ANTXR1: variants seen among roughly 807,000 people sequenced by gnomAD.
ANTXR1 encodes anthrax toxin receptor 1.
Under a neutral mutation model 78.1 loss-of-function variants are expected in ANTXR1, and 19 were observed. The observed-to-expected ratio is 0.24, with a 90% CI of 0.17 to 0.36. ANTXR1 has a LOEUF of 0.36. Ranked by LOEUF, ANTXR1 falls within the 10% of genes least tolerant of loss-of-function variation. ANTXR1 has a pLI of 1.00. For missense variants in ANTXR1, 518 were observed against 718.6 expected (o/e 0.72, Z 3.19); for synonymous variants, 273 against 260.5 (o/e 1.05, Z -0.46).
chr2:69,237,652 C>A (rs561219627), intron 17 of ANTXR1, among the ~76,000 whole-genome samples: 1 of 152,282 alleles, frequency 6.6e-6, no homozygotes. Flanking sequence ...AACTCCTGGG[C>A]TAAAGTGATC....
At chr2:69,016,473 TACATGTGTCTA>T (rs1671029171) in intron 1 of ANTXR1, among the ~76,000 whole-genome samples, 1 of 151,830 alleles carries the variant, frequency 6.6e-6, no homozygotes, top group African/African-American at 2.4e-5. Flanking sequence ...AGCTGAGGAT[TACATGTGTCTA>T]ACAGCAGTGG....
chr2:69,025,854 A>G (rs988277845), intron 1 of ANTXR1, among the ~76,000 whole-genome samples: 3 of 152,196 alleles, frequency 2.0e-5, no homozygotes, highest in Admixed American at 6.5e-5. Context: ...TTTACTCTCA[A>G]AAGTTTCTCA....
intron 1 of ANTXR1, among the ~76,000 whole-genome samples, chr2:69,023,014 T>G (rs1671239077): frequency 6.6e-6 from 1 of 152,198 alleles, no homozygotes; most frequent in South Asian, 2.1e-4. Context: ...TCTCCCTACA[T>G]GAAATGTGCC....
intron 12 of ANTXR1, among the ~76,000 whole-genome samples, chr2:69,147,509 T>C (rs957753578): frequency 6.6e-6 from 1 of 152,214 alleles, no homozygotes; most frequent in African/African-American, 2.4e-5. Context: ...TATGTGCACA[T>C]CCACACTGGG....
chr2:69,172,401 A>G (rs993744355), intron 14 of ANTXR1: 1 of 1,610,340 alleles, frequency 6.2e-7, no homozygotes, highest in Non-Finnish European at 8.5e-7. Context: ...GAAGAAAGAA[A>G]GAAATCCCAC....
At chr2:69,134,272 C>T (rs112304966) in intron 12 of ANTXR1, among the ~76,000 whole-genome samples, 2 of 152,238 alleles carry the variant, frequency 1.3e-5, no homozygotes, top group African/African-American at 4.8e-5. Flanking sequence ...GCTCTTTAGC[C>T]TGGGGCATAC....
At chr2:69,124,984 C>T (rs1055629200) in intron 12 of ANTXR1, among the ~76,000 whole-genome samples, 18 of 151,918 alleles carry the variant, frequency 1.2e-4, no homozygotes, top group Non-Finnish European at 1.8e-4. Context: ...AGAGAATGGA[C>T]GGAAGGGAAT....
At chr2:69,129,622 G>A (rs895868676) in intron 12 of ANTXR1, among the ~76,000 whole-genome samples, 6 of 151,962 alleles carry the variant, frequency 3.9e-5, no homozygotes, top group African/African-American at 1.2e-4. Context: ...GTGGTGGCGT[G>A]CACCTGTAAT....
Position 69,246,732 on chromosome 2 carries a change from G to T in ANTXR1, c.*1247G>T, listed in dbSNP as rs1046228820. 9 of 152,134 alleles carry T rather than the reference G, an allele frequency of 5.9e-5. No individual in the cohort carries two copies. The highest frequency in any genetic ancestry group is 2.2e-4 in the African/African-American group (9 of 41,420). The allele number at this position is 152,134 out of a possible 1,614,324, so 9.4% of individuals were successfully genotyped here. ...CCTAGGACTCACCCCATTTATCCAGGTCTTTCTGGATCTGTTTAATCAATA... is the reference window on the plus strand; with the variant it reads ...CCTAGGACTCACCCCATTTATCCAGTTCTTTCTGGATCTGTTTAATCAATA... On this transcript the variant is annotated 3_prime_UTR_variant, in exon 18 of 18. Coordinates refer to ENST00000303714, the MANE Select transcript of ANTXR1 (RefSeq NM_032208.3).
chr2:69,013,461 TG>T lies in ANTXR1; in HGVS notation c.-36del. Reference sequence around the variant, plus strand: ...AGGGTCGTGGCGAGTTCGCGGAGCGTGGGAAGGAGCGGACCCTGCTCTCCCC... The same window carrying T: ...AGGGTCGTGGCGAGTTCGCGGAGCGTGGAAGGAGCGGACCCTGCTCTCCCC... On this transcript the variant is annotated 5_prime_UTR_variant, in exon 1 of 18. Coordinates refer to ENST00000303714, the MANE Select transcript of ANTXR1 (RefSeq NM_032208.3). The surrounding 1 kb of genome is among the most constrained non-coding windows in gnomAD (Gnocchi z 5.0). 6.3e-7 allele frequency: 1 copy of T among 1,579,708 alleles called. No homozygotes were observed.
chr2:69,103,156 G>A, intron 10 of ANTXR1: 2 of 595,222 alleles, frequency 3.4e-6, no homozygotes, highest in Non-Finnish European at 3.1e-6. Context: ...TGTCCAGCTT[G>A]GTAAGCAGAG....
At chr2:69,217,937 G>C (rs1379146250) in intron 17 of ANTXR1, among the ~76,000 whole-genome samples, 2 of 152,202 alleles carry the variant, frequency 1.3e-5, no homozygotes, top group Non-Finnish European at 2.9e-5. Context: ...GGCCCTACTG[G>C]ACTGGCCCCA....
chr2:69,158,908 C>G (rs554426060), intron 13 of ANTXR1, among the ~76,000 whole-genome samples: 1 of 152,302 alleles, frequency 6.6e-6, no homozygotes, highest in East Asian at 1.9e-4. Flanking sequence ...TGAACTCCTC[C>G]ATGGCGAGGA....
intron 4 of ANTXR1, 32 bp downstream of exon 4, chr2:69,070,760 A>G: frequency 6.3e-7 from 1 of 1,595,748 alleles, no homozygotes; most frequent in Non-Finnish European, 8.6e-7. Flanking sequence ...ATCCAAATAT[A>G]AAGCATGATA....
intron 17 of ANTXR1, among the ~76,000 whole-genome samples, chr2:69,238,325 C>A (rs1451973607): frequency 6.6e-6 from 1 of 152,210 alleles, no homozygotes; most frequent in Non-Finnish European, 1.5e-5. Flanking sequence ...CTATATTCTT[C>A]ATGAGGACAG....
chr2:69,243,850 G>A (rs935278721), intron 17 of ANTXR1, among the ~76,000 whole-genome samples: 1 of 152,180 alleles, frequency 6.6e-6, no homozygotes, highest in Admixed American at 6.5e-5. Context: ...CCTCAGAGAG[G>A]AGCAACCCCA....
intron 17 of ANTXR1, among the ~76,000 whole-genome samples, chr2:69,241,178 A>T (rs946093498): frequency 2.6e-5 from 4 of 152,228 alleles, no homozygotes; most frequent in Non-Finnish European, 5.9e-5. Context: ...GGTCACAAAG[A>T]CCAGTGTTAT....
At chr2:69,088,487 G>A (rs981104448) in intron 8 of ANTXR1, among the ~76,000 whole-genome samples, 9 of 152,106 alleles carry the variant, frequency 5.9e-5, no homozygotes, top group Admixed American at 5.2e-4. Context: ...TTCTCCCTCT[G>A]GGCTACCTCT....
intron 1 of ANTXR1, among the ~76,000 whole-genome samples, chr2:69,024,246 C>A (rs1006723272): frequency 3.1e-4 from 47 of 152,108 alleles, no homozygotes; most frequent in African/African-American, 1.1e-3. Context: ...ACATGTAGGG[C>A]ATGTGCATGG....
Sources: allele counts gnomAD v4.1 joint callset (sites outside exome capture counted in the v4.1 genomes callset), GRCh38; gene constraint gnomAD v4.1.1; non-coding constraint Gnocchi (gnomAD v3.1); transcripts MANE v1.5; gene names NCBI Gene and HGNC (gene_info 2026-07-23, HGNC 2026-07-21).